MACROD2: variants seen among roughly 807,000 people sequenced by gnomAD.
MACROD2 encodes the protein ADP-ribose glycohydrolase MACROD2.
Under a neutral mutation model 70.4 loss-of-function variants are expected in MACROD2, and 36 were observed. The observed-to-expected ratio is 0.51, with a 90% confidence interval of 0.39 to 0.68. The LOEUF (loss-of-function observed/expected upper bound fraction) is 0.68. MACROD2 is among the 30% of genes least tolerant of loss of function. The pLI, the probability that MACROD2 is intolerant of heterozygous loss-of-function variation, is 0.00. For synonymous variants in MACROD2, 172 were observed against 178.8 expected (o/e 0.96, Z 0.30); for missense variants, 496 against 538.4 (o/e 0.92, Z 0.78).
chr20:14,495,104 T>G (rs1307351011), intron 4 of MACROD2, among the ~76,000 whole-genome samples: 1 of 152,168 alleles, frequency 6.6e-6, no homozygotes, highest in Non-Finnish European at 1.5e-5. Flanking sequence ...TTAGTTAAAA[T>G]CACTTTAGCC....
At chr20:15,191,380 G>A (rs2076569267) in intron 5 of MACROD2, among the ~76,000 whole-genome samples, 1 of 152,192 alleles carries the variant, frequency 6.6e-6, no homozygotes, top group African/African-American at 2.4e-5. Flanking sequence ...TGCCCTGAAG[G>A]CATTTGAGGT....
intron 6 of MACROD2, among the ~76,000 whole-genome samples, chr20:15,413,663 T>C (rs189098826): frequency 6.6e-6 from 1 of 152,314 alleles, no homozygotes; most frequent in Admixed American, 6.5e-5. Flanking sequence ...TGATTTATGG[T>C]TCAACCTGAA....
chr20:14,626,211 G>A (rs1045584424), intron 4 of MACROD2, among the ~76,000 whole-genome samples: 5 of 152,056 alleles, frequency 3.3e-5, no homozygotes, highest in East Asian at 1.9e-4. Context: ...GTGGGGGTGG[G>A]CACATTACAT....
At chr20:15,702,619 ATC>A (rs1428809286) in intron 8 of MACROD2, among the ~76,000 whole-genome samples, 1 of 152,102 alleles carries the variant, frequency 6.6e-6, no homozygotes, top group Non-Finnish European at 1.5e-5. Context: ...TCTGTAGGTT[ATC>A]TGTTTACTCT....
intron 5 of MACROD2, among the ~76,000 whole-genome samples, chr20:15,191,126 G>T (rs1365911632): frequency 6.6e-6 from 1 of 152,206 alleles, no homozygotes; most frequent in Non-Finnish European, 1.5e-5. Flanking sequence ...AAGAAGTGGG[G>T]AGAGTGAGAC....
intron 8 of MACROD2, among the ~76,000 whole-genome samples, chr20:15,617,774 G>A (rs772491501): frequency 8.5e-5 from 13 of 152,214 alleles, no homozygotes; most frequent in Admixed American, 2.6e-4. Context: ...GCTTCAGGCT[G>A]TGTAGTGCAA....
intron 8 of MACROD2, among the ~76,000 whole-genome samples, chr20:15,698,369 A>G (rs2050407311): frequency 1.3e-5 from 2 of 152,112 alleles, no homozygotes; most frequent in Non-Finnish European, 2.9e-5. Context: ...CTTGACTGAT[A>G]ATTGTTTTGT....
intron 3 of MACROD2, among the ~76,000 whole-genome samples, chr20:14,225,100 A>G (rs2081720009): frequency 6.6e-6 from 1 of 152,058 alleles, no homozygotes; most frequent in Non-Finnish European, 1.5e-5. Flanking sequence ...GATCCTATTT[A>G]TTGGGTCTTC....
intron 2 of MACROD2, among the ~76,000 whole-genome samples, chr20:14,085,169 A>AG (rs2054061945): frequency 6.6e-6 from 1 of 150,594 alleles, no homozygotes; most frequent in Non-Finnish European, 1.5e-5. Context: ...CCCTCTCCAA[A>AG]AAAAAAGGAA....
intron 3 of MACROD2, among the ~76,000 whole-genome samples, chr20:14,422,846 C>G (rs1166697815): frequency 1.3e-5 from 2 of 152,144 alleles, no homozygotes; most frequent in Non-Finnish European, 2.9e-5. Context: ...ATGTATTTAC[C>G]TTTACCTGAG....
At chr20:15,270,670 A>C (rs2077338419) in intron 6 of MACROD2, among the ~76,000 whole-genome samples, 1 of 152,212 alleles carries the variant, frequency 6.6e-6, no homozygotes, top group Non-Finnish European at 1.5e-5. Flanking sequence ...GAACGGTATT[A>C]GAGCTTCTTA....
At chr20:14,491,917 C>T (rs1307462110) in intron 3 of MACROD2, among the ~76,000 whole-genome samples, 1 of 152,110 alleles carries the variant, frequency 6.6e-6, no homozygotes, top group Non-Finnish European at 1.5e-5. Flanking sequence ...AAAAAATCAG[C>T]AGGAGTGTGA....
intron 6 of MACROD2, among the ~76,000 whole-genome samples, chr20:15,348,640 A>G (rs1040316498): frequency 2.6e-5 from 4 of 152,164 alleles, no homozygotes; most frequent in African/African-American, 7.2e-5. Flanking sequence ...GCGGAAGGCA[A>G]AGGAGGAGCA....
At position 14,718,292 on chromosome 20, in the gene MACROD2, C is replaced by CAAAAAAAAAAAAAAAAAAAAA. The variant is rs11358439; in HGVS notation, c.418+33339_418+33359dup. Among the ~76,000 whole-genome samples the CAAAAAAAAAAAAAAAAAAAAA allele has an allele frequency of 9.2e-5, 5 of 54,640 alleles. 1 individual carries two copies. The highest frequency in any genetic ancestry group is 1.2e-4 in the Non-Finnish European group (4 of 33,468). 35.8% of individuals were successfully genotyped at this position (54,640 alleles called of 152,430 possible). ...TGGGCGACAGAGAGAGACTCTGTCT[C>CAAAAAAAAAAAAAAAAAAAAA]AAAAAAAAAAAAAAAAAAAAAAAAA... On this transcript the variant is annotated intron_variant, in intron 5 of 17. Transcript: ENST00000684519.
chr20:14,975,376 G>A (rs548982171), intron 5 of MACROD2, among the ~76,000 whole-genome samples: 2 of 152,226 alleles, frequency 1.3e-5, no homozygotes, highest in South Asian at 4.2e-4. Context: ...CCTGTGAAGT[G>A]GAGAGGCAGA....
At chr20:14,119,572 AG>A (rs1305529918) in intron 3 of MACROD2, among the ~76,000 whole-genome samples, 3 of 152,172 alleles carry the variant, frequency 2.0e-5, no homozygotes, top group African/African-American at 7.2e-5. Context: ...CCTAAACAAG[AG>A]AATTGTTACT....
At chr20:15,044,625 A>T (rs1323487043) in intron 5 of MACROD2, among the ~76,000 whole-genome samples, 4 of 152,054 alleles carry the variant, frequency 2.6e-5, no homozygotes, top group Admixed American at 2.6e-4. Flanking sequence ...GGTAAAGAGG[A>T]GAGTAAAGGT....
At chr20:15,539,439 T>G (rs1015733040) in intron 8 of MACROD2, among the ~76,000 whole-genome samples, 3 of 152,240 alleles carry the variant, frequency 2.0e-5, no homozygotes, top group Non-Finnish European at 1.5e-5. Flanking sequence ...GCAGTGATAT[T>G]GAAACACCAA....
chr20:14,661,177 A>G (rs1250318135), intron 4 of MACROD2, among the ~76,000 whole-genome samples: 1 of 151,816 alleles, frequency 6.6e-6, no homozygotes, highest in Non-Finnish European at 1.5e-5. Flanking sequence ...ACCAGTGTGT[A>G]AGTGTTCTGT....
Sources: allele counts gnomAD v4.1 joint callset (sites outside exome capture counted in the v4.1 genomes callset), GRCh38; gene constraint gnomAD v4.1.1; transcripts MANE v1.5; gene names NCBI Gene and HGNC (gene_info 2026-07-23, HGNC 2026-07-21).